The following CAMTA1 variants were observed in gnomAD, a reference collection of about 807,000 sequenced individuals.
CAMTA1 encodes calmodulin binding transcription activator 1, also known as calmodulin-binding transcription activator 1.
CAMTA1 carries 27 observed loss-of-function variants against 170.9 expected under a neutral mutation model. That is an observed-to-expected ratio of 0.16 (90% CI 0.12 to 0.22). CAMTA1 has a LOEUF of 0.22. CAMTA1 is among the 10% of genes least tolerant of loss of function. The pLI is 1.00. For synonymous variants in CAMTA1, 833 were observed against 891.5 expected, an observed-to-expected ratio of 0.93 and a Z score of 1.17; for missense variants, 1,619 against 2,217.2, an observed-to-expected ratio of 0.73 and a Z score of 5.42.
At chr1:7,218,025 T>A (rs1234754718) in intron 4 of CAMTA1, among the ~76,000 whole-genome samples, 2 of 152,222 alleles carry the variant, frequency 1.3e-5, no homozygotes, top group Non-Finnish European at 2.9e-5. Flanking sequence ...CATCACTCAA[T>A]TCTCCCATAT....
chr1:7,111,747 T>TACTCA (rs1644052956), intron 4 of CAMTA1, among the ~76,000 whole-genome samples: 1 of 151,914 alleles, frequency 6.6e-6, no homozygotes, highest in Admixed American at 6.6e-5. Flanking sequence ...TAGCCAGGCG[T>TACTCA]GGTGGCACAT....
At chr1:7,359,943 G>T (rs2085413348) in intron 5 of CAMTA1, among the ~76,000 whole-genome samples, 1 of 152,136 alleles carries the variant, frequency 6.6e-6, no homozygotes, top group African/African-American at 2.4e-5. Flanking sequence ...CTCAGATCAA[G>T]GTGTGGGCAG....
chr1:7,242,000 A>C (rs1235898563), intron 4 of CAMTA1, among the ~76,000 whole-genome samples: 1 of 76,546 alleles, frequency 1.3e-5, no homozygotes, highest in African/African-American at 1.0e-4. Flanking sequence ...TCAAGCCATT[A>C]AGGAAAAGAG....
Position 7,547,348 on chromosome 1 carries a change from G to GCGCA in CAMTA1, c.510+79448_510+79449insGCAC, listed in dbSNP as rs1349072839. ...GAGCTGGGGAATATATGTATCATAT[G>GCGCA]CACACACACACACACACACACACAC... On this transcript the variant is annotated intron_variant, in intron 6 of 22. Transcript: ENST00000303635. The surrounding 1 kb of genome is among the most constrained non-coding windows in gnomAD (Gnocchi z 5.7). Among the ~76,000 whole-genome samples, 1 of 144,006 alleles carries GCGCA rather than the reference G, an allele frequency of 6.9e-6. No individual in the cohort carries two copies. The highest frequency in any genetic ancestry group is 2.6e-5 in the African/African-American group (1 of 38,196). 94.5% of individuals were successfully genotyped at this position (144,006 alleles called of 152,430 possible).
chr1:6,806,897 G>A (rs1199643059), intron 1 of CAMTA1: 5 of 410,908 alleles, frequency 1.2e-5, no homozygotes, highest in South Asian at 1.0e-4. Flanking sequence ...TTGTAGTCCC[G>A]CAGGGGCCAC....
chr1:7,744,128 C>CTTTTTT (rs60348958), intron 16 of CAMTA1, among the ~76,000 whole-genome samples: 2 of 84,272 alleles, frequency 2.4e-5, no homozygotes, highest in African/African-American at 4.8e-5. Context: ...CGCCTGGCCT[C>CTTTTTT]TTTTTTTTTT....
At chr1:7,661,145 G>A (rs576547350) in intron 7 of CAMTA1, among the ~76,000 whole-genome samples, 3 of 152,296 alleles carry the variant, frequency 2.0e-5, no homozygotes, top group Non-Finnish European at 4.4e-5. Context: ...CTTCAGTCCC[G>A]TCCCCATCTC....
At chr1:7,596,082 G>T (rs2095397297) in intron 6 of CAMTA1, among the ~76,000 whole-genome samples, 1 of 152,238 alleles carries the variant, frequency 6.6e-6, no homozygotes, top group Non-Finnish European at 1.5e-5. Flanking sequence ...TGTCCTTGAA[G>T]ATGGGTGGAA....
chr1:7,671,267 C>T (rs998036016), intron 10 of CAMTA1, among the ~76,000 whole-genome samples: 2 of 152,170 alleles, frequency 1.3e-5, no homozygotes, highest in African/African-American at 2.4e-5. Flanking sequence ...GATTTTGAAG[C>T]GAATGTGATG....
chr1:7,220,457 A>G (rs1660547487), intron 4 of CAMTA1, among the ~76,000 whole-genome samples: 1 of 151,784 alleles, frequency 6.6e-6, no homozygotes, highest in African/African-American at 2.4e-5. Flanking sequence ...GGCCTGGCCT[A>G]TTTTTTCTCT....
intron 5 of CAMTA1, among the ~76,000 whole-genome samples, chr1:7,376,464 C>T (rs2086851026): frequency 6.6e-6 from 1 of 152,174 alleles, no homozygotes; most frequent in Non-Finnish European, 1.5e-5. Flanking sequence ...AGACCCTGGC[C>T]CAATTCCCTG....
chr1:7,492,682 A>C (rs12568900), intron 6 of CAMTA1, among the ~76,000 whole-genome samples: 26 of 86,772 alleles, frequency 3.0e-4, no homozygotes, highest in African/African-American at 1.3e-3. Flanking sequence ...CACACACACA[A>C]ACACAAACCT....
intron 10 of CAMTA1, 69 bp from the exon 11 acceptor site, chr1:7,677,530 C>A (rs1202735226): frequency 3.2e-6 from 5 of 1,543,250 alleles, no homozygotes; most frequent in Non-Finnish European, 2.6e-6. Context: ...ACATTCCAGG[C>A]CCTGTGTGGT....
At chr1:7,486,985 C>T (rs1014603647) in intron 6 of CAMTA1, among the ~76,000 whole-genome samples, 1 of 151,764 alleles carries the variant, frequency 6.6e-6, no homozygotes, top group Non-Finnish European at 1.5e-5. Flanking sequence ...ACCTGTACAA[C>T]AGAAATGAGA....
At chr1:7,499,383 GTGTGTGTGC>G (rs2093926899) in intron 6 of CAMTA1, among the ~76,000 whole-genome samples, 1 of 130,846 alleles carries the variant, frequency 7.6e-6, no homozygotes, top group Non-Finnish European at 1.7e-5. Flanking sequence ...GTATATGAGT[GTGTGTGTGC>G]ATGTGTGTAC....
chr1:7,625,883 C>G (rs1399550243), intron 6 of CAMTA1, among the ~76,000 whole-genome samples: 1 of 152,164 alleles, frequency 6.6e-6, no homozygotes, highest in African/African-American at 2.4e-5. Flanking sequence ...ATAGCAGGTC[C>G]CGTTATTACC....
chr1:7,587,778 T>C (rs1426831962), intron 6 of CAMTA1, among the ~76,000 whole-genome samples: 1 of 152,048 alleles, frequency 6.6e-6, no homozygotes, highest in Non-Finnish European at 1.5e-5. Context: ...TGCAGTGTCA[T>C]GTCTCAGGCT....
At chr1:7,274,353 CA>C (rs1258625788) in intron 5 of CAMTA1, among the ~76,000 whole-genome samples, 2 of 152,104 alleles carry the variant, frequency 1.3e-5, no homozygotes, top group African/African-American at 4.8e-5. Flanking sequence ...AACTATTACT[CA>C]AGATAAAGAG....
chr1:7,573,754 C>A (rs971818355), intron 6 of CAMTA1, among the ~76,000 whole-genome samples: 1 of 152,106 alleles, frequency 6.6e-6, no homozygotes, highest in South Asian at 2.1e-4. Flanking sequence ...ATGACATCAT[C>A]GTTTTTTGGG....
Sources: allele counts gnomAD v4.1 joint callset (sites outside exome capture counted in the v4.1 genomes callset), GRCh38; gene constraint gnomAD v4.1.1; non-coding constraint Gnocchi (gnomAD v3.1); transcripts MANE v1.5; gene names NCBI Gene and HGNC (gene_info 2026-07-23, HGNC 2026-07-21).